GGT6: variants seen among roughly 807,000 people sequenced by gnomAD.
GGT6 encodes the protein glutathione hydrolase 6.
In GGT6, 13 loss-of-function variants were observed where a neutral mutation model predicts 17.0. The ratio of observed to expected loss-of-function variants is 0.77; its 90% CI spans 0.50 to 1.22. The LOEUF (loss-of-function observed/expected upper bound fraction) is 1.22, where lower values mean the gene tolerates loss of function less well. GGT6 is among the 50% of genes most tolerant of loss of function. GGT6 has a pLI of 0.00. For synonymous variants in GGT6, 305 were observed against 297.9 expected (o/e 1.02, Z -0.25); for missense variants, 628 against 643.7 (o/e 0.98, Z 0.26).
rs1908241319 is a variant in GGT6, at chr17:4,557,445, C to T, written c.*570G>A. ...TCTCCTGCCTCAGCCTCCCAAGTAG[C>T]TGGGATTACAGGTGCCCGCCACCAT... On this transcript the variant is annotated 3_prime_UTR_variant, in exon 4 of 4. Coordinates refer to ENST00000381550, the MANE Select transcript of GGT6 (RefSeq NM_001288702.2). 1 of 151,540 alleles carries T rather than the reference C, an allele frequency of 6.6e-6. No individual in the cohort carries two copies. The allele number at this position is 151,540 out of a possible 1,614,324, so 9.4% of individuals were successfully genotyped here. A position where few individuals can be genotyped will look rare whatever the true frequency, so the allele number is the denominator to read the frequency against.
Position 4,558,964 on chromosome 17 carries a change from C to T in GGT6, c.551G>A (p.Gly184Glu), listed in dbSNP as rs1273775497. The change falls in exon 4 of 4, where the codon GGG becomes GAG. Residue 184 changes from glycine to glutamate, a missense_variant. Coordinates refer to ENST00000381550, the MANE Select transcript of GGT6 (RefSeq NM_001288702.2). The part of the protein sequence containing the change: ...GPAQTLAPGL[G>E]LPAALPTLHL... ...CAGGGTGGGCAGAGCCGCGGGCAGCCCCAGGCCGGGGGCCAGGGTCTGTGC... is the reference window on the plus strand; with the variant it reads ...CAGGGTGGGCAGAGCCGCGGGCAGCTCCAGGCCGGGGGCCAGGGTCTGTGC... The T allele has an allele frequency of 6.5e-7, 1 of 1,543,762 alleles. No individual in the cohort carries two copies. Among genetic ancestry groups the T allele is most frequent in the South Asian group, 1.2e-5 (1 of 83,518 alleles).
At position 4,558,060 on chromosome 17, in the gene GGT6, A is replaced by G. The variant is rs764549028; in HGVS notation, c.1455T>C (p.His485=). The G allele has an allele frequency of 2.0e-5, 32 of 1,578,058 alleles. 2 individuals carry two copies. The South Asian group carries it at 3.3e-4, about 16-fold the overall frequency. ...AGCAGGCATGGGGGACACTGGAGACATGGGCGTGCTCTGTGTGGGCTGCCA... is the reference window on the plus strand; with the variant it reads ...AGCAGGCATGGGGGACACTGGAGACGTGGGCGTGCTCTGTGTGGGCTGCCA... ...LQVAAHTEHA[H]VSSVPHACCP... is the part of the protein sequence containing the mutation. Residue 485 remains histidine, a synonymous_variant, in exon 4 of 4, where the codon CAT becomes CAC. Coordinates refer to ENST00000381550, the MANE Select transcript of GGT6 (RefSeq NM_001288702.2).
rs749586621 is a variant in GGT6, at chr17:4,559,604, G to T, written c.297C>A (p.Ser99=). The T allele has an allele frequency of 9.3e-6, 15 of 1,613,764 alleles. No individual in the cohort carries two copies. The African/African-American group carries it at 1.9e-4, about 20-fold the overall frequency. The stretch of plus-strand genomic sequence containing the variant: ...CGTGGTGGTATACGCCAGGGCCGTG[G>T]GAGTGTCCGCCGGGTGGAGGGGCCA... ...GSVAPPPGGH[S]HGPGVYHHGA... is the part of the protein sequence containing the mutation. The change falls in exon 2 of 4, where the codon TCC becomes TCA. Residue 99 remains serine, a synonymous_variant. Coordinates refer to ENST00000381550, the MANE Select transcript of GGT6 (RefSeq NM_001288702.2).
At chr17:4,559,521 C>G (rs1301549821) in intron 2 of GGT6, 37 bp downstream of exon 2, 8 of 1,598,432 alleles carry the variant, frequency 5.0e-6, no homozygotes, top group Non-Finnish European at 6.8e-6. Flanking sequence ...TGACCCCTGA[C>G]CCTCCCCTCC....
In GGT6 at chr17:4,560,500, C is replaced by A. The variant is rs368729246; in HGVS notation, c.22G>T (p.Val8Leu). 3.1e-6 allele frequency: 5 copies of A among 1,612,490 alleles called. No individual in the cohort carries two copies. The African/African-American group carries it at 6.7e-5, about 22-fold the overall frequency. The change falls in exon 1 of 4, where the codon GTG (valine) becomes TTG (leucine). Residue 8 changes from valine (V) to leucine (L), a missense_variant. Transcript: ENST00000381550. Reference protein sequence around the residue: MERAEEPVVYQKLLPWEP... With the variant: MERAEEPLVYQKLLPWEP... ...CAGGGCAGCAGCTTCTGATAGACCACGGGCTCTTCTGCCCGCTCCATGGCC... is the reference window on the plus strand; with the variant it reads ...CAGGGCAGCAGCTTCTGATAGACCAAGGGCTCTTCTGCCCGCTCCATGGCC...
Position 4,558,843 on chromosome 17 carries a change from G to GAA in GGT6, c.671_672insTT (p.Leu225SerfsTer58). ...CCCGAGCCACCAGAGCCCTTGCCAG[G>GAA]GGTGTGTCCACCAGGAAGCCCTCCT... is the stretch of plus-strand genomic sequence containing the variant. On this transcript the variant is annotated frameshift_variant, in exon 4 of 4. Transcript: ENST00000381550. LOFTEE classifies it low-confidence loss of function (END_TRUNC). 1.3e-5 allele frequency: 20 copies of GAA among 1,547,986 alleles called. No homozygotes were observed. The highest frequency in any genetic ancestry group is 1.7e-5 in the Non-Finnish European group (20 of 1,145,440).
In GGT6 at chr17:4,557,766, C is replaced by G; in HGVS notation, c.*249G>C. ...TCAGCCTCCCAAGCAGCTGGGACAACAGGCATGTGCCACCGCCCCTGGCAA... is the reference window on the plus strand; with the variant it reads ...TCAGCCTCCCAAGCAGCTGGGACAAGAGGCATGTGCCACCGCCCCTGGCAA... On this transcript the variant is annotated 3_prime_UTR_variant, in exon 4 of 4. Coordinates refer to ENST00000381550, the MANE Select transcript of GGT6 (RefSeq NM_001288702.2). The G allele has an allele frequency of 2.4e-6, 1 of 409,170 alleles. No individual in the cohort carries two copies. The highest frequency in any genetic ancestry group is 4.4e-6 in the Non-Finnish European group (1 of 229,042). The allele number at this position is 409,170 out of a possible 1,614,324, so 25.3% of individuals were successfully genotyped here.
rs780708242 is a variant in GGT6 at position 4,558,497 on chromosome 17, T to G, written c.1018A>C (p.Ile340Leu). The part of the protein sequence containing the change: ...LEAALRSGAP[I>L]PDPCPPFLQT... ...AGGAACGGTGGGCAGGGGTCAGGGA[T>G]GGGCGCCCCGGAGCGCAGGGCTGCC... Residue 340 changes from isoleucine to leucine, a missense_variant, in exon 4 of 4, where the codon ATC becomes CTC. Coordinates refer to ENST00000381550, the MANE Select transcript of GGT6 (RefSeq NM_001288702.2). The G allele has an allele frequency of 2.2e-5, 35 of 1,604,902 alleles. No homozygotes were observed. In the Admixed American group the frequency reaches 6.0e-4, roughly 27 times the overall value.
In GGT6 at chr17:4,557,904, G is replaced by A; in HGVS notation, c.*111C>T. On this transcript the variant is annotated 3_prime_UTR_variant, in exon 4 of 4. Coordinates refer to ENST00000381550, the MANE Select transcript of GGT6 (RefSeq NM_001288702.2). ...ACCACCCAAAGTGCTGAGATTACAG[G>A]TGTGAGGCACCACACCCTGCGGGTG... The A allele has an allele frequency of 1.4e-6, 1 of 707,450 alleles. No homozygotes were observed. The highest frequency in any genetic ancestry group is 2.3e-6 in the Non-Finnish European group (1 of 438,508). 43.8% of individuals were successfully genotyped at this position (707,450 alleles called of 1,614,324 possible). A position where few individuals can be genotyped will look rare whatever the true frequency, so the allele number is the denominator to read the frequency against.
Position 4,558,057 on chromosome 17 carries a change from G to T in GGT6, c.1458C>A (p.Val486=). 1 of 1,575,918 alleles carries T rather than the reference G, an allele frequency of 6.3e-7. No individual in the cohort carries two copies. The stretch of plus-strand genomic sequence containing the variant: ...GGCAGCAGGCATGGGGGACACTGGA[G>T]ACATGGGCGTGCTCTGTGTGGGCTG... ...QVAAHTEHAH[V]SSVPHACCPF... Residue 486 remains valine (V), a synonymous_variant, in exon 4 of 4, where the codon GTC becomes GTA. Coordinates refer to ENST00000381550, the MANE Select transcript of GGT6 (RefSeq NM_001288702.2).
At position 4,558,184 on chromosome 17, in the gene GGT6, A is replaced by C. The variant is rs1248990412; in HGVS notation, c.1331T>G (p.Leu444Arg). ...GGCCTGGGTAGGGGGCCTTGCTGCC[A>C]GATGCCTGAGTAGGGTGTGAGTCAT... ...RAMTHTLLRH[L>R]AARPPTQAQH... The change falls in exon 4 of 4, where the codon CTG becomes CGG. Residue 444 changes from leucine (L) to arginine (R), a missense_variant. Physicochemically the swap from Leu to Arg is moderately radical, Grantham distance 102. Transcript: ENST00000381550. 1 of 1,614,118 alleles carries C rather than the reference A, an allele frequency of 6.2e-7. No homozygotes were observed.
rs1908279361 is a variant in GGT6, at chr17:4,557,923, G to A, written c.*92C>T. On this transcript the variant is annotated 3_prime_UTR_variant, in exon 4 of 4. Coordinates refer to ENST00000381550, the MANE Select transcript of GGT6 (RefSeq NM_001288702.2). The stretch of plus-strand genomic sequence containing the variant: ...TTACAGGTGTGAGGCACCACACCCT[G>A]CGGGTGCACACTCCATTGCTGCTGT... 1.2e-6 allele frequency: 1 copy of A among 844,878 alleles called. No homozygotes were observed. The highest frequency in any genetic ancestry group is 1.8e-6 in the Non-Finnish European group (1 of 559,238). The allele number at this position is 844,878 out of a possible 1,614,324, so 52.3% of individuals were successfully genotyped here.
At chr17:4,560,294 C>T (rs111870670) in intron 1 of GGT6, 88 bp downstream of exon 1, 16 of 1,479,504 alleles carry the variant, frequency 1.1e-5, no homozygotes, top group Middle Eastern at 1.8e-4. Context: ...AGCGGGGAGT[C>T]GCCTGGTCCC....
chr17:4,559,609 G>T lies in GGT6; in HGVS notation c.292C>A (p.His98Asn). 1 of 1,613,850 alleles carries T rather than the reference G, an allele frequency of 6.2e-7. No individual in the cohort carries two copies. Reference sequence around the variant, plus strand: ...TGGTATACGCCAGGGCCGTGGGAGTGTCCGCCGGGTGGAGGGGCCACAGAG... The same window carrying T: ...TGGTATACGCCAGGGCCGTGGGAGTTTCCGCCGGGTGGAGGGGCCACAGAG... Reference protein sequence around the residue: ...LGSVAPPPGGHSHGPGVYHHG... With the variant: ...LGSVAPPPGGNSHGPGVYHHG... The change falls in exon 2 of 4, where the codon CAC (histidine) becomes AAC (asparagine). Residue 98 changes from histidine to asparagine, a missense_variant. Coordinates refer to ENST00000381550, the MANE Select transcript of GGT6 (RefSeq NM_001288702.2).
rs747130434 is a variant in GGT6 at position 4,557,989 on chromosome 17, C to T, written c.*26G>A. On this transcript the variant is annotated 3_prime_UTR_variant, in exon 4 of 4. Transcript: ENST00000381550. The stretch of plus-strand genomic sequence containing the variant: ...GCCCCCATGCTTCAGATAACTCTGC[C>T]TTCTGCCAGACCCACCCCCATCCTG... 8.3e-6 allele frequency: 12 copies of T among 1,447,360 alleles called. No homozygotes were observed. Among genetic ancestry groups the T allele is most frequent in the Non-Finnish European group, 9.3e-6 (10 of 1,080,414 alleles). 89.7% of individuals were successfully genotyped at this position (1,447,360 alleles called of 1,614,324 possible).
rs752627549 is a variant in GGT6, at chr17:4,558,473, G to T, written c.1042C>A (p.Leu348Met). 5 of 1,608,356 alleles carry T rather than the reference G, an allele frequency of 3.1e-6. No individual in the cohort carries two copies. Among genetic ancestry groups the T allele is most frequent in the Non-Finnish European group, 4.2e-6 (5 of 1,179,430 alleles). Residue 348 changes from leucine (L) to methionine (M), a missense_variant, in exon 4 of 4, where the codon CTG (leucine) becomes ATG (methionine). Physicochemically the swap from Leu to Met is conservative, Grantham distance 15. Transcript: ENST00000381550. ...APIPDPCPPF[L>M]QTAVSPESSA... is the part of the protein sequence containing the mutation. ...CTCTCGGGGCTCACAGCAGTCTGCA[G>T]GAACGGTGGGCAGGGGTCAGGGATG...
In GGT6 at chr17:4,559,775, T is replaced by A; in HGVS notation, c.141-15A>T. 2 of 1,607,632 alleles carry A rather than the reference T, an allele frequency of 1.2e-6. No homozygotes were observed. The highest frequency in any genetic ancestry group is 1.7e-6 in the Non-Finnish European group (2 of 1,178,232). On this transcript the variant is annotated splice_polypyrimidine_tract_variant and intron_variant, in intron 1 of 3. Transcript: ENST00000381550. ...CAGCCTTGTTCCTGCAGAGGGGGGG[T>A]GTCCTGAGCCACGGCTGGGACAGAG...
rs761208859 is a variant in GGT6 at position 4,558,539 on chromosome 17, G to A, written c.976C>T (p.Leu326=). 64 of 1,581,220 alleles carry A rather than the reference G, an allele frequency of 4.0e-5. No homozygotes were observed. Among genetic ancestry groups the A allele is most frequent in the South Asian group, 1.7e-4 (15 of 85,946 alleles). Residue 326 remains leucine, a synonymous_variant, in exon 4 of 4, where the codon CTG becomes TTG. Transcript: ENST00000381550. The part of the protein sequence containing the change: ...TTPSPSAGPE[L]LALLEAALRS... ...AGGGCTGCCTCCAACAGTGCCAGCA[G>A]TTCTGGGCCAGCTGAGGGACTGGGG...
At position 4,560,427 on chromosome 17, in the gene GGT6, G is replaced by A; in HGVS notation, c.95C>T (p.Ser32Leu). Residue 32 changes from serine (S) to leucine (L), a missense_variant, in exon 1 of 4, where the codon TCA becomes TTA. Transcript: ENST00000381550. ...SEEEVEEEETSEALVLNPRRH... is the reference protein window; with the variant it reads ...SEEEVEEEETLEALVLNPRRH... ...CCGGGGGTTTAGAACCAGCGCCTCTGATGTCTCCTCCTCCTCCACTTCCTC... is the reference window on the plus strand; with the variant it reads ...CCGGGGGTTTAGAACCAGCGCCTCTAATGTCTCCTCCTCCTCCACTTCCTC... 1 of 1,614,102 alleles carries A rather than the reference G, an allele frequency of 6.2e-7. No individual in the cohort carries two copies. The highest frequency in any genetic ancestry group is 8.5e-7 in the Non-Finnish European group (1 of 1,180,010).
Sources: gnomAD v4.1 joint callset for allele counts on GRCh38, gnomAD v4.1.1 for gene constraint, MANE v1.5 for transcripts, NCBI Gene and HGNC (gene_info 2026-07-23, HGNC 2026-07-21) for gene names.